SPATA17: variants seen among roughly 807,000 people sequenced by gnomAD.
The protein encoded by SPATA17 is spermatogenesis-associated protein 17.
A neutral mutation model predicts 62.2 loss-of-function variants in SPATA17; 53 were observed. That is an observed-to-expected ratio of 0.85 (90% CI 0.68 to 1.07). SPATA17 has a LOEUF of 1.07. Among genes scored for constraint, SPATA17 ranks in the 50% least tolerant of loss-of-function variants. The pLI is 0.00. For synonymous variants in SPATA17, 146 were observed against 146.8 expected, an observed-to-expected ratio of 0.99 and a Z score of 0.04; for missense variants, 466 against 425.5, an observed-to-expected ratio of 1.10 and a Z score of -0.84.
chr1:217,701,790 C>G (rs1409234499), intron 5 of SPATA17, among the ~76,000 whole-genome samples: 2 of 152,106 alleles, frequency 1.3e-5, no homozygotes, highest in African/African-American at 4.8e-5. Context: ...TTTCTTTATA[C>G]TCTTTCGTTT....
chr1:217,768,736 C>T (rs1161064403), intron 6 of SPATA17, among the ~76,000 whole-genome samples: 2 of 152,036 alleles, frequency 1.3e-5, no homozygotes, highest in Non-Finnish European at 2.9e-5. Context: ...TCATGATCCA[C>T]CTGCCTCGGC....
At chr1:217,672,108 A>G (rs1200351330) in intron 4 of SPATA17, among the ~76,000 whole-genome samples, 2 of 152,194 alleles carry the variant, frequency 1.3e-5, no homozygotes, top group African/African-American at 2.4e-5. Context: ...CACTCTTAAA[A>G]TTCTGCTACT....
chr1:217,744,462 C>CAAAAAAAAAAA (rs766645844), intron 6 of SPATA17, among the ~76,000 whole-genome samples: 2 of 30,598 alleles, frequency 6.5e-5, no homozygotes, highest in African/African-American at 1.7e-4. Flanking sequence ...GACTCCGTCT[C>CAAAAAAAAAAA]AAAAAAAAAA....
intron 5 of SPATA17, among the ~76,000 whole-genome samples, chr1:217,700,223 T>A (rs1307456301): frequency 6.6e-6 from 1 of 152,218 alleles, no homozygotes; most frequent in Non-Finnish European, 1.5e-5. Context: ...TGTTAGGAAT[T>A]TAATTAAATC....
intron 5 of SPATA17, among the ~76,000 whole-genome samples, chr1:217,711,873 C>T (rs143245495): frequency 6.6e-6 from 1 of 152,222 alleles, no homozygotes; most frequent in African/African-American, 2.4e-5. Flanking sequence ...CAGGAAGGAG[C>T]CTGTTGCCTT....
At chr1:217,718,858 CA>C (rs1315683392) in intron 5 of SPATA17, among the ~76,000 whole-genome samples, 1 of 151,946 alleles carries the variant, frequency 6.6e-6, no homozygotes, top group Non-Finnish European at 1.5e-5. Context: ...AACAAACAAA[CA>C]AACAAAACAA....
At chr1:217,689,221 CTTTTTTT>C (rs200885875) in intron 5 of SPATA17, among the ~76,000 whole-genome samples, 21,959 of 102,640 alleles carry the variant, frequency 0.21, 1,755 homozygotes, top group African/African-American at 0.32. Flanking sequence ...TTTATTATGT[CTTTTTTT>C]TTTTTTTTTT....
intron 5 of SPATA17, among the ~76,000 whole-genome samples, chr1:217,690,480 T>A (rs368677631): frequency 7.8e-3 from 169 of 21,570 alleles, no homozygotes; most frequent in Non-Finnish European, 0.015. Context: ...TTTATTTTTT[T>A]TTTTTTTAAT....
At position 217,864,489 on chromosome 1, in the gene SPATA17, GTATGTGTGTATACATATATACA is replaced by G. The variant is rs1288246472; in HGVS notation, c.*2+1657_*2+1678del. 1.1e-4 allele frequency among the ~76,000 whole-genome samples: 16 copies of G among 152,078 alleles called. No homozygotes were observed. In the East Asian group the frequency reaches 1.5e-3, roughly 15 times the overall value. On this transcript the variant is annotated intron_variant, in intron 10 of 10. Coordinates refer to ENST00000366933, the MANE Select transcript of SPATA17 (RefSeq NM_138796.4). ...TTATTTCACTTAAATATATACATAT[GTATGTGTGTATACATATATACA>G]TATGTGTGTATACATATATACATGT...
chr1:217,859,425 G>C (rs529347879), intron 9 of SPATA17, among the ~76,000 whole-genome samples: 31 of 151,248 alleles, frequency 2.0e-4, no homozygotes, highest in African/African-American at 6.6e-4. Flanking sequence ...ATATATAAAG[G>C]AATATTACGA....
intron 5 of SPATA17, among the ~76,000 whole-genome samples, chr1:217,704,242 T>A (rs1378420134): frequency 1.7e-5 from 2 of 117,258 alleles, no homozygotes; most frequent in Admixed American, 8.8e-5. Context: ...TTTTTTTTTT[T>A]TTTTTTTTTT....
At position 217,668,323 on chromosome 1, in the gene SPATA17, A is replaced by T. The variant is rs185153029; in HGVS notation, c.241-710A>T. On this transcript the variant is annotated intron_variant, in intron 3 of 10. Transcript: ENST00000366933. ...TTGAAATAAGCTACATTGTTGAATG[A>T]CTTACTGTAACAGAAATTTGTATAT... Among the ~76,000 whole-genome samples, 145 of 152,296 alleles carry T rather than the reference A, an allele frequency of 9.5e-4. 1 individual carries two copies. The highest frequency in any genetic ancestry group is 3.5e-3 in the African/African-American group (144 of 41,582).
chr1:217,663,585 G>A (rs183156839), intron 3 of SPATA17, among the ~76,000 whole-genome samples: 23 of 151,996 alleles, frequency 1.5e-4, no homozygotes, highest in Admixed American at 9.2e-4. Flanking sequence ...ATGAAATGTC[G>A]ATGGCCCTAA....
chr1:217,658,823 A>G (rs913055758), intron 3 of SPATA17, among the ~76,000 whole-genome samples: 1 of 152,174 alleles, frequency 6.6e-6, no homozygotes, highest in East Asian at 1.9e-4. Context: ...ATTCCCTTAT[A>G]GTATGCAAAA....
At chr1:217,679,437 G>T (rs1166453594) in intron 4 of SPATA17, among the ~76,000 whole-genome samples, 2 of 152,150 alleles carry the variant, frequency 1.3e-5, no homozygotes, top group Non-Finnish European at 2.9e-5. Flanking sequence ...CATTCATGGA[G>T]CTCAATAAAT....
chr1:217,820,673 T>C (rs1401824727), intron 9 of SPATA17, among the ~76,000 whole-genome samples: 2 of 151,962 alleles, frequency 1.3e-5, no homozygotes, highest in Non-Finnish European at 2.9e-5. Context: ...ATTAGATATG[T>C]CAAATAAAAT....
intron 5 of SPATA17, among the ~76,000 whole-genome samples, chr1:217,696,216 T>C (rs1485353255): frequency 1.3e-5 from 2 of 152,204 alleles, no homozygotes; most frequent in Admixed American, 6.5e-5. Context: ...TTTAAGCTGG[T>C]CTGAAAAGCG....
At chr1:217,752,774 A>G (rs571214536) in intron 6 of SPATA17, among the ~76,000 whole-genome samples, 1 of 152,030 alleles carries the variant, frequency 6.6e-6, no homozygotes, top group Non-Finnish European at 1.5e-5. Flanking sequence ...CTTCTCCCCC[A>G]CTTCTCACAG....
At chr1:217,721,847 C>A (rs576675965) in intron 5 of SPATA17, among the ~76,000 whole-genome samples, 1 of 152,244 alleles carries the variant, frequency 6.6e-6, no homozygotes, top group East Asian at 1.9e-4. Context: ...CTCCCAGCAA[C>A]CCAAGTAGGT....
Sources: allele counts gnomAD v4.1 joint callset (sites outside exome capture counted in the v4.1 genomes callset), GRCh38; gene constraint gnomAD v4.1.1; transcripts MANE v1.5; gene names NCBI Gene and HGNC (gene_info 2026-07-23, HGNC 2026-07-21).